The following CCNY variants were observed in gnomAD, a reference collection of about 807,000 sequenced individuals.
CCNY encodes the protein cyclin-Y.
Under a neutral mutation model 42.8 loss-of-function variants are expected in CCNY, and 19 were observed. That is an observed-to-expected ratio of 0.44 (90% CI 0.31 to 0.65). The LOEUF (loss-of-function observed/expected upper bound fraction) is 0.65, where lower values mean the gene tolerates loss of function less well. CCNY is among the 30% of genes least tolerant of loss of function. The probability of loss-of-function intolerance (pLI) is 0.07; values close to 1 mark genes in which losing one functional copy is unlikely to be tolerated. For missense variants in CCNY, 370 were observed against 437.3 expected, an observed-to-expected ratio of 0.85 and a Z score of 1.37; for synonymous variants, 165 against 162.7, an observed-to-expected ratio of 1.01 and a Z score of -0.11.
intron 2 of CCNY, among the ~76,000 whole-genome samples, chr10:35,497,582 T>C (rs1840026348): frequency 6.6e-6 from 1 of 151,888 alleles, no homozygotes; most frequent in Admixed American, 6.6e-5. Context: ...TACTAAAAAA[T>C]ACAAAAAATT....
intron 3 of CCNY, among the ~76,000 whole-genome samples, chr10:35,266,424 T>TGTA (rs1025911421): frequency 2.6e-5 from 4 of 151,936 alleles, no homozygotes; most frequent in Admixed American, 2.6e-4. Context: ...AAGTGAGAAA[T>TGTA]GTAGCATGAT....
intron 7 of CCNY, among the ~76,000 whole-genome samples, chr10:35,543,829 A>G (rs939499129): frequency 6.6e-6 from 1 of 152,198 alleles, no homozygotes; most frequent in Admixed American, 6.5e-5. Flanking sequence ...GTGGGGCAAG[A>G]TATGGAGGCG....
At chr10:35,282,677 C>T (rs1431720292) in intron 3 of CCNY, among the ~76,000 whole-genome samples, 8 of 146,616 alleles carry the variant, frequency 5.5e-5, no homozygotes, top group African/African-American at 1.3e-4. Context: ...GAGCCAAGAT[C>T]GCGCCACTGC....
chr10:35,502,006 C>T (rs1840120404), intron 3 of CCNY, among the ~76,000 whole-genome samples: 1 of 152,164 alleles, frequency 6.6e-6, no homozygotes, highest in Non-Finnish European at 1.5e-5. Flanking sequence ...TCTGATGCTC[C>T]AAGAAAGGAT....
At chr10:35,262,322 C>CATTTTATTTTATTTTATTTT (rs144902785) in intron 3 of CCNY, among the ~76,000 whole-genome samples, 2,960 of 110,376 alleles carry the variant, frequency 0.027, 94 homozygotes, top group Admixed American at 0.045. Context: ...CAACATGAGT[C>CATTTTATTTTATTTTATTTT]ATTTTATTTT....
chr10:35,438,327 A>AG (rs1341862700), intron 1 of CCNY, among the ~76,000 whole-genome samples: 13 of 148,468 alleles, frequency 8.8e-5, no homozygotes, highest in African/African-American at 3.2e-4. Flanking sequence ...TAAAAAAAAA[A>AG]TTTTTTTTTT....
At chr10:35,553,232 C>T (rs1034081215) in intron 8 of CCNY, 47 bp downstream of exon 8, 2 of 1,587,370 alleles carry the variant, frequency 1.3e-6, no homozygotes, top group Non-Finnish European at 1.7e-6. Context: ...CTTGGCCAGA[C>T]CATTTGGAAA....
chr10:35,378,995 A>G (rs764185950), intron 1 of CCNY, among the ~76,000 whole-genome samples: 8 of 152,204 alleles, frequency 5.3e-5, no homozygotes, highest in Non-Finnish European at 1.0e-4. Flanking sequence ...TGATGCACCA[A>G]TGCATTTTTG....
intron 1 of CCNY, among the ~76,000 whole-genome samples, chr10:35,476,219 G>A (rs1839506147): frequency 6.6e-6 from 1 of 152,158 alleles, no homozygotes. Flanking sequence ...ACATTAGACA[G>A]ATCAACGAGA....
intron 1 of CCNY, among the ~76,000 whole-genome samples, chr10:35,458,958 G>T (rs1839097858): frequency 6.6e-6 from 1 of 152,180 alleles, no homozygotes; most frequent in South Asian, 2.1e-4. Flanking sequence ...AGATAGGGAG[G>T]CAGGGGACAG....
intron 1 of CCNY, chr10:35,449,898 C>A: frequency 1.6e-6 from 1 of 616,582 alleles, no homozygotes; most frequent in Non-Finnish European, 2.0e-6. Context: ...CCACTCAGGG[C>A]CTACCTGAGT....
At chr10:35,329,676 GA>G (rs1285994523) in intron 3 of CCNY, among the ~76,000 whole-genome samples, 10 of 152,198 alleles carry the variant, frequency 6.6e-5, no homozygotes, top group Admixed American at 6.5e-4. Context: ...AAGACATGCA[GA>G]GGTGGGGAGG....
intron 1 of CCNY, among the ~76,000 whole-genome samples, chr10:35,406,233 A>ATTTT (rs1447777189): frequency 0.011 from 1,137 of 99,360 alleles, 26 homozygotes; most frequent in African/African-American, 0.042. Flanking sequence ...TTATTTATTT[A>ATTTT]TTTATTTATT....
chr10:35,360,066 GC>G (rs1836648348), intron 1 of CCNY, among the ~76,000 whole-genome samples: 1 of 152,182 alleles, frequency 6.6e-6, no homozygotes, highest in South Asian at 2.1e-4. Context: ...ATGCCGCTAG[GC>G]ACACGAGTGT....
At chr10:35,548,018 A>G (rs1365693729) in intron 7 of CCNY, among the ~76,000 whole-genome samples, 1 of 152,026 alleles carries the variant, frequency 6.6e-6, no homozygotes. Context: ...GATTTGAAAC[A>G]TGTTACTCCA....
intron 1 of CCNY, chr10:35,433,983 T>C (rs1187687652): frequency 6.6e-6 from 1 of 152,240 alleles, no homozygotes; most frequent in Non-Finnish European, 1.5e-5. Context: ...TTTCCTTGTA[T>C]GCGAACTTAA....
At chr10:35,449,093 CAG>C (rs1292358393) in intron 1 of CCNY, among the ~76,000 whole-genome samples, 2 of 151,824 alleles carry the variant, frequency 1.3e-5, no homozygotes, top group Non-Finnish European at 2.9e-5. Flanking sequence ...TGTTAGTCAA[CAG>C]GGGAGCTGAA....
chr10:35,526,658 AT>A (rs2135419429), intron 5 of CCNY, among the ~76,000 whole-genome samples: 1 of 146,402 alleles, frequency 6.8e-6, no homozygotes, highest in East Asian at 2.0e-4. Context: ...TCATTAATGC[AT>A]CCTTTCCAAG....
chr10:35,345,688 A>G (rs1261432323), intron 1 of CCNY, among the ~76,000 whole-genome samples: 1 of 152,212 alleles, frequency 6.6e-6, no homozygotes, highest in African/African-American at 2.4e-5. Flanking sequence ...GGAAGCCTAA[A>G]GAGCTTATCC....
Sources: allele counts gnomAD v4.1 joint callset (sites outside exome capture counted in the v4.1 genomes callset), GRCh38; gene constraint gnomAD v4.1.1; transcripts MANE v1.5; gene names NCBI Gene and HGNC (gene_info 2026-07-23, HGNC 2026-07-21).